The following TNFRSF8 variants were observed in gnomAD, a reference collection of about 807,000 sequenced individuals.
TNFRSF8 encodes TNF receptor superfamily member 8.
In TNFRSF8, 26 loss-of-function variants were observed where a neutral mutation model predicts 70.8. The observed-to-expected ratio is 0.37, with a 90% CI of 0.27 to 0.51. The LOEUF (loss-of-function observed/expected upper bound fraction) is 0.51, where lower values mean the gene tolerates loss of function less well. TNFRSF8 is among the 20% of genes least tolerant of loss of function. The pLI is 0.94. For missense variants in TNFRSF8, 720 were observed against 807.9 expected (o/e 0.89, Z 1.32); for synonymous variants, 356 against 339.2 (o/e 1.05, Z -0.54).
At position 12,110,160 on chromosome 1, in the gene TNFRSF8, C is replaced by G. The variant is rs1236012583; in HGVS notation, c.632C>G (p.Ala211Gly). ...GAAGCTGCTTCTAAACTGACGAGGGCTCCCGACTCTCCCTCCTCTGTGGGA... is the reference window on the plus strand; with the variant it reads ...GAAGCTGCTTCTAAACTGACGAGGGGTCCCGACTCTCCCTCCTCTGTGGGA... ...AQEAASKLTR[A>G]PDSPSSVGRP... Residue 211 changes from alanine (A) to glycine (G), a missense_variant, in exon 6 of 15, where the codon GCT (alanine) becomes GGT (glycine). Transcript: ENST00000263932. This position sits in a 1 kb window ranked among gnomAD's most constrained non-coding sequence, Gnocchi z 4.0. 4 of 1,610,970 alleles carry G rather than the reference C, an allele frequency of 2.5e-6. No individual in the cohort carries two copies. Among genetic ancestry groups the G allele is most frequent in the Non-Finnish European group, 3.4e-6 (4 of 1,178,432 alleles).
rs1054511885 is a variant in TNFRSF8 at position 12,108,791 on chromosome 1, C to T, written c.422-775C>T. On this transcript the variant is annotated intron_variant, in intron 4 of 14. Transcript: ENST00000263932. The surrounding 1 kb of genome is among the most constrained non-coding windows in gnomAD (Gnocchi z 4.0). ...TTGCATCACTGCACTCCAGCCTGGGCGACAGAGTAAGACTCTGTCTCAAAT... is the reference window on the plus strand; with the variant it reads ...TTGCATCACTGCACTCCAGCCTGGGTGACAGAGTAAGACTCTGTCTCAAAT... Among the ~76,000 whole-genome samples the T allele has an allele frequency of 2.6e-5, 4 of 151,982 alleles. No individual in the cohort carries two copies. The highest frequency in any genetic ancestry group is 6.6e-5 in the Admixed American group (1 of 15,262).
Position 12,135,613 on chromosome 1 carries a change from G to A in TNFRSF8, c.1335G>A (p.Thr445=), listed in dbSNP as rs1430972737. The A allele has an allele frequency of 3.7e-6, 6 of 1,613,958 alleles. No individual in the cohort carries two copies. The highest frequency in any genetic ancestry group is 4.2e-6 in the Non-Finnish European group (5 of 1,180,006). The change falls in exon 13 of 15, where the codon ACG becomes ACA. Residue 445 remains threonine, a splice_region_variant and synonymous_variant. Transcript: ENST00000263932. ...LVDSRPRRSS[T]QLRSGASVTE... ...ATTCCAGACCCAGGAGGAGCTCAAC[G>A]GTAAGTACCCCTCCCTTGCCCCCAC... is the stretch of plus-strand genomic sequence containing the variant.
Position 12,063,631 on chromosome 1 carries a change from G to C in TNFRSF8, c.33G>C (p.Leu11=). 1 of 1,290,458 alleles carries C rather than the reference G, an allele frequency of 7.7e-7. No homozygotes were observed. The highest frequency in any genetic ancestry group is 2.5e-5 in the South Asian group (1 of 39,472). The allele number at this position is 1,290,458 out of a possible 1,614,324, so 79.9% of individuals were successfully genotyped here. MRVLLAALGL[L]FLGALRAFPQ... is the part of the protein sequence containing the mutation. ...TCCTCCTCGCCGCGCTGGGACTGCT[G>C]TTCCTGGGGGCGCTACGAGCCTTCC... Residue 11 remains leucine, a synonymous_variant, in exon 1 of 15, where the codon CTG becomes CTC. Coordinates refer to ENST00000263932, the MANE Select transcript of TNFRSF8 (RefSeq NM_001243.5). The surrounding 1 kb of genome is among the most constrained non-coding windows in gnomAD (Gnocchi z 7.2).
intron 3 of TNFRSF8, among the ~76,000 whole-genome samples, chr1:12,100,514 C>T (rs1160413023): frequency 6.6e-6 from 1 of 151,936 alleles, no homozygotes; most frequent in Non-Finnish European, 1.5e-5. Flanking sequence ...TTCTTTATAG[C>T]CTTATTCATT....
intron 12 of TNFRSF8, among the ~76,000 whole-genome samples, chr1:12,128,150 A>G (rs898374316): frequency 2.6e-5 from 4 of 152,258 alleles, no homozygotes; most frequent in Non-Finnish European, 4.4e-5. Flanking sequence ...TGGTTCGTTC[A>G]TTCATCTATT....
intron 8 of TNFRSF8, 38 bp from the exon 9 acceptor site, chr1:12,123,246 C>A (rs1004610737): frequency 2.3e-5 from 36 of 1,568,860 alleles, no homozygotes; most frequent in Non-Finnish European, 3.1e-5. Context: ...CACCAGCCTC[C>A]TTGGCGCTGG....
At chr1:12,114,175 C>T (rs1028066372) in intron 7 of TNFRSF8, among the ~76,000 whole-genome samples, 2 of 152,182 alleles carry the variant, frequency 1.3e-5, no homozygotes, top group Non-Finnish European at 2.9e-5. Context: ...CCTATAACCT[C>T]AAGCAGGTTT....
Position 12,138,130 on chromosome 1 carries a change from TG to T in TNFRSF8, c.1336-95del, listed in dbSNP as rs2101047807. ...TTTTAAAGCAGAAAGGGGGACTCAC[TG>T]GGGTCTGTAGAGATGAAAAAAAAAA... On this transcript the variant is annotated intron_variant, in intron 13 of 14. Transcript: ENST00000263932. The surrounding 1 kb of genome is among the most constrained non-coding windows in gnomAD (Gnocchi z 5.7). 1 of 1,248,618 alleles carries T rather than the reference TG, an allele frequency of 8.0e-7. No homozygotes were observed. Among genetic ancestry groups the T allele is most frequent in the Non-Finnish European group, 1.1e-6 (1 of 906,100 alleles). 77.3% of individuals were successfully genotyped at this position (1,248,618 alleles called of 1,614,324 possible). A position where few individuals can be genotyped will look rare whatever the true frequency, so the allele number is the denominator to read the frequency against.
chr1:12,115,400 C>T (rs1641708549), intron 7 of TNFRSF8, among the ~76,000 whole-genome samples, 177 bp from the exon 8 acceptor site: 1 of 152,154 alleles, frequency 6.6e-6, no homozygotes, highest in Non-Finnish European at 1.5e-5. Context: ...CTTCTTTCAC[C>T]CTGCAGAATT....
intron 4 of TNFRSF8, among the ~76,000 whole-genome samples, chr1:12,105,376 T>C (rs1310316850): frequency 1.3e-5 from 2 of 151,928 alleles, no homozygotes; most frequent in East Asian, 3.9e-4. Flanking sequence ...CTTCCCTCGT[T>C]CCCTCATCCT....
At chr1:12,087,026 C>G (rs1019507806) in intron 2 of TNFRSF8, among the ~76,000 whole-genome samples, 1 of 151,830 alleles carries the variant, frequency 6.6e-6, no homozygotes, top group African/African-American at 2.4e-5. Flanking sequence ...TTCACCGCCC[C>G]CATCCATACA....
Position 12,080,502 on chromosome 1 carries a change from C to T in TNFRSF8, c.64-3962C>T, listed in dbSNP as rs896787393. The T allele has an allele frequency of 3.0e-5, 15 of 502,856 alleles. No homozygotes were observed. The East Asian group carries it at 3.7e-4, about 12-fold the overall frequency. The allele number at this position is 502,856 out of a possible 1,614,324, so 31.1% of individuals were successfully genotyped here. A position where few individuals can be genotyped will look rare whatever the true frequency, so the allele number is the denominator to read the frequency against. On this transcript the variant is annotated intron_variant, in intron 1 of 14. Coordinates refer to ENST00000263932, the MANE Select transcript of TNFRSF8 (RefSeq NM_001243.5). ...AGTGGGAACTTGATAGCAGAGTGGT[C>T]GAGCTTGTTTCTCCTGGGAACGCTC...
At position 12,138,275 on chromosome 1, in the gene TNFRSF8, G is replaced by A. The variant is rs371493096; in HGVS notation, c.1382G>A (p.Arg461Gln). The change falls in exon 14 of 15, where the codon CGA (arginine) becomes CAA (glutamine). Residue 461 changes from arginine (R) to glutamine (Q), a missense_variant. Coordinates refer to ENST00000263932, the MANE Select transcript of TNFRSF8 (RefSeq NM_001243.5). This position sits in a 1 kb window ranked among gnomAD's most constrained non-coding sequence, Gnocchi z 5.7. ...ASVTEPVAEERGLMSQPLMET... is the reference protein window; with the variant it reads ...ASVTEPVAEEQGLMSQPLMET... ...GTGACAGAACCCGTCGCGGAAGAGC[G>A]AGGGTTAATGAGCCAGCCACTGATG... is the stretch of plus-strand genomic sequence containing the variant. The A allele has an allele frequency of 6.8e-6, 11 of 1,613,600 alleles. No individual in the cohort carries two copies. In the African/African-American group the frequency reaches 9.3e-5, roughly 14 times the overall value.
At position 12,109,640 on chromosome 1, in the gene TNFRSF8, T is replaced by G; in HGVS notation, c.496T>G (p.Cys166Gly). The change falls in exon 5 of 15, where the codon TGC (cysteine) becomes GGC (glycine). Residue 166 changes from cysteine to glycine, a missense_variant. Transcript: ENST00000263932. The surrounding 1 kb of genome is among the most constrained non-coding windows in gnomAD (Gnocchi z 4.4). ...VSPACASPEN[C>G]KEPSSGTIPQ... is the part of the protein sequence containing the mutation. ...CCCTGCCTGTGCCAGCCCAGAGAAC[T>G]GCAAGGAACCCTCCAGGTGACTCCC... 1 of 1,613,682 alleles carries G rather than the reference T, an allele frequency of 6.2e-7. No individual in the cohort carries two copies. The highest frequency in any genetic ancestry group is 8.5e-7 in the Non-Finnish European group (1 of 1,179,884).
Position 12,088,543 on chromosome 1 carries a change from C to T in TNFRSF8, c.151+3992C>T, listed in dbSNP as rs556531985. On this transcript the variant is annotated intron_variant, in intron 2 of 14. Coordinates refer to ENST00000263932, the MANE Select transcript of TNFRSF8 (RefSeq NM_001243.5). This position sits in a 1 kb window ranked among gnomAD's most constrained non-coding sequence, Gnocchi z 4.0. Reference sequence around the variant, plus strand: ...AGAGTTTACGAGTGAAGAGCTAATGCGGGGGCTACAAAGCCCTTCCTGTTC... The same window carrying T: ...AGAGTTTACGAGTGAAGAGCTAATGTGGGGGCTACAAAGCCCTTCCTGTTC... Among the ~76,000 whole-genome samples, 36 of 152,260 alleles carry T rather than the reference C, an allele frequency of 2.4e-4. No homozygotes were observed. Among genetic ancestry groups the T allele is most frequent in the South Asian group, 8.3e-4 (4 of 4,828 alleles).
chr1:12,074,438 C>G (rs563445000), intron 1 of TNFRSF8, among the ~76,000 whole-genome samples: 1 of 152,186 alleles, frequency 6.6e-6, no homozygotes, highest in South Asian at 2.1e-4. Flanking sequence ...CACCACTACG[C>G]TAGGCTAATT....
chr1:12,084,521 G>C lies in TNFRSF8; in HGVS notation c.121G>C (p.Val41Leu), dbSNP rs765560482. Residue 41 changes from valine (V) to leucine (L), a missense_variant, in exon 2 of 15, where the codon GTC (valine) becomes CTC (leucine). Transcript: ENST00000263932. The part of the protein sequence containing the change: ...GNPSHYYDKA[V>L]RRCCYRCPMG... ...CCCCAGCCACTACTATGACAAGGCT[G>C]TCAGGAGGTGCTGTTACCGCTGCCC... 3.1e-6 allele frequency: 5 copies of C among 1,613,894 alleles called. No individual in the cohort carries two copies. In the South Asian group the frequency reaches 4.4e-5, roughly 14 times the overall value.
intron 8 of TNFRSF8, among the ~76,000 whole-genome samples, chr1:12,116,372 G>A (rs572269510): frequency 3.0e-4 from 45 of 152,330 alleles, no homozygotes; most frequent in African/African-American, 1.1e-3. Context: ...CTAACAGGAC[G>A]GTTGGCTTTA....
chr1:12,131,274 ACC>A (rs1310994511), intron 12 of TNFRSF8, among the ~76,000 whole-genome samples: 1 of 151,890 alleles, frequency 6.6e-6, no homozygotes, highest in African/African-American at 2.4e-5. Context: ...ACAAGACAAA[ACC>A]CCATCTCTAC....
Sources: allele counts gnomAD v4.1 joint callset (sites outside exome capture counted in the v4.1 genomes callset), GRCh38; gene constraint gnomAD v4.1.1; non-coding constraint Gnocchi (gnomAD v3.1); transcripts MANE v1.5; gene names NCBI Gene and HGNC (gene_info 2026-07-23, HGNC 2026-07-21).